VPS13C: variants seen among roughly 807,000 people sequenced by gnomAD.
The protein encoded by VPS13C is vacuolar protein sorting 13 homolog C.
Under a neutral mutation model 456.8 loss-of-function variants are expected in VPS13C, and 358 were observed. The ratio of observed to expected loss-of-function variants is 0.78; its 90% CI spans 0.72 to 0.86. VPS13C has a LOEUF of 0.86. VPS13C is among the 40% of genes least tolerant of loss of function. The pLI, the probability that VPS13C is intolerant of heterozygous loss-of-function variation, is 0.00. For synonymous variants in VPS13C, 1,578 were observed against 1,486.7 expected, an observed-to-expected ratio of 1.06 and a Z score of -1.41; for missense variants, 4,818 against 4,385.4, an observed-to-expected ratio of 1.10 and a Z score of -2.79.
rs745887696 is a variant in VPS13C, at chr15:61,925,466, A to T, written c.6599T>A (p.Phe2200Tyr). 2 of 1,561,932 alleles carry T rather than the reference A, an allele frequency of 1.3e-6. No individual in the cohort carries two copies. Among genetic ancestry groups the T allele is most frequent in the Non-Finnish European group, 1.7e-6 (2 of 1,149,252 alleles). ...KQNINIMVKE[F>Y]IIKISPIILN... ...ATGGTAAGTACTAACCTTAATTATA[A>T]ATTCTTTAACCATAATATTTATATT... The change falls in exon 53 of 85, where the codon TTT becomes TAT. Residue 2200 changes from phenylalanine to tyrosine, a missense_variant. Phe to Tyr is a conservative substitution (Grantham distance 22). This residue lies in a region of VPS13C where 4,552 missense variants were observed against 4,130.6 expected (regional missense o/e 1.10). Coordinates refer to ENST00000644861, the MANE Select transcript of VPS13C (RefSeq NM_020821.3).
Position 61,929,652 on chromosome 15 carries a change from A to T in VPS13C, c.6135T>A (p.Leu2045=), listed in dbSNP as rs761970423. 6.2e-7 allele frequency: 1 copy of T among 1,614,140 alleles called. No individual in the cohort carries two copies. Among genetic ancestry groups the T allele is most frequent in the Non-Finnish European group, 8.5e-7 (1 of 1,179,990 alleles). ...CACTGGCACATACATACAGCTTGTC[A>T]AGAACAGCATCAATTTGACTTCCAT... is the stretch of plus-strand genomic sequence containing the variant. The part of the protein sequence containing the change: ...DKNGSQIDAV[L]DKLYVCASVE... Residue 2045 remains leucine, a synonymous_variant, in exon 51 of 85, where the codon CTT becomes CTA. Transcript: ENST00000644861.
chr15:61,958,238 T>C lies in VPS13C; in HGVS notation c.4165+370A>G, dbSNP rs575072826. Among the ~76,000 whole-genome samples the C allele has an allele frequency of 9.7e-4, 147 of 152,170 alleles. 1 individual carries two copies. Among genetic ancestry groups the C allele is most frequent in the African/African-American group, 3.5e-3 (144 of 41,562 alleles). On this transcript the variant is annotated intron_variant, in intron 37 of 84. Transcript: ENST00000644861. The stretch of plus-strand genomic sequence containing the variant: ...ATTTCAATTCTTACAGATGTTTTAC[T>C]ACCAAGCCTTATTGAAAAATCAGAT...
At chr15:61,864,347 C>T in intron 81 of VPS13C, 1 of 892,426 alleles carries the variant, frequency 1.1e-6, no homozygotes, top group African/African-American at 1.8e-5. Flanking sequence ...TTTCAGCTAT[C>T]TCAAAAGTAC....
chr15:61,895,829 A>T (rs553817033), intron 66 of VPS13C, among the ~76,000 whole-genome samples: 2 of 152,264 alleles, frequency 1.3e-5, no homozygotes, highest in East Asian at 1.9e-4. Flanking sequence ...GCGGATAGGG[A>T]AAGATTTCTT....
Position 61,867,271 on chromosome 15 carries a change from A to C in VPS13C, c.10863+1388T>G. ...AAAAGCAGAAATGCTAAAGGCTGAA[A>C]ATGTATATAACATAATTATAAAATG... On this transcript the variant is annotated intron_variant, in intron 81 of 84. Transcript: ENST00000644861. This position sits in a 1 kb window ranked among gnomAD's most constrained non-coding sequence, Gnocchi z 5.0. The C allele has an allele frequency of 1.0e-6, 1 of 984,466 alleles. No homozygotes were observed. The highest frequency in any genetic ancestry group is 1.1e-4 in the East Asian group (1 of 8,810). 61.0% of individuals were successfully genotyped at this position (984,466 alleles called of 1,614,324 possible).
At chr15:62,003,743 T>C (rs2046723377) in intron 15 of VPS13C, among the ~76,000 whole-genome samples, 1 of 152,010 alleles carries the variant, frequency 6.6e-6, no homozygotes, top group African/African-American at 2.4e-5. Context: ...CTGTTGAATT[T>C]TGTCAAAGGC....
chr15:61,947,133 C>A, intron 43 of VPS13C, 60 bp downstream of exon 43: 1 of 1,120,882 alleles, frequency 8.9e-7, no homozygotes, highest in Non-Finnish European at 1.3e-6. Flanking sequence ...CAGGTACAAG[C>A]TCATTTTTCC....
chr15:61,917,374 A>T lies in VPS13C; in HGVS notation c.8022T>A (p.Asn2674Lys), dbSNP rs1162810421. 3 of 1,613,798 alleles carry T rather than the reference A, an allele frequency of 1.9e-6. No homozygotes were observed. The highest frequency in any genetic ancestry group is 2.5e-6 in the Non-Finnish European group (3 of 1,179,836). ...IHLYPSLTLR[N>K]LLPYSLRYLL... is the part of the protein sequence containing the mutation. ...AATATCTTAGGGAATATGGGAGAAG[A>T]TTCCGCAAAGTGAGAGAAGGATAAA... Residue 2674 changes from asparagine (N) to lysine (K), a missense_variant, in exon 60 of 85, where the codon AAT becomes AAA. By Grantham distance (94) the Asn-to-Lys change is moderately conservative. Around this residue, in one of 3 missense-constraint regions of VPS13C, gnomAD observed 4,552 missense variants for 4,130.6 expected, o/e 1.10. Coordinates refer to ENST00000644861, the MANE Select transcript of VPS13C (RefSeq NM_020821.3).
At chr15:62,051,298 C>T (rs2048609714) in intron 1 of VPS13C, among the ~76,000 whole-genome samples, 1 of 152,178 alleles carries the variant, frequency 6.6e-6, no homozygotes, top group Admixed American at 6.5e-5. Context: ...GTGGAACCAA[C>T]TACAATAAGG....
intron 16 of VPS13C, among the ~76,000 whole-genome samples, chr15:61,996,868 TACACACAC>T (rs35800911): frequency 5.6e-5 from 8 of 143,844 alleles, no homozygotes; most frequent in South Asian, 2.2e-4. Flanking sequence ...AAGGTCTAAA[TACACACAC>T]ACACACACAC....
In VPS13C at chr15:61,882,604, A is replaced by T. The variant is rs986277264; in HGVS notation, c.9616T>A (p.Trp3206Arg). ...GAGAATGACAATGTTACCTGAAGCC[A>T]GTACAACCTGGCCCTTAAACTTCTC... ...HQRSLRARLY[W>R]LQVDNQLPGA... Residue 3206 changes from tryptophan (W) to arginine (R), a missense_variant, in exon 69 of 85, where the codon TGG becomes AGG. Coordinates refer to ENST00000644861, the MANE Select transcript of VPS13C (RefSeq NM_020821.3). The T allele has an allele frequency of 1.9e-6, 3 of 1,542,610 alleles. No individual in the cohort carries two copies. The highest frequency in any genetic ancestry group is 1.7e-6 in the Non-Finnish European group (2 of 1,149,474).
chr15:61,927,005 T>C (rs2140206551), intron 52 of VPS13C, 86 bp downstream of exon 52: 3 of 1,190,392 alleles, frequency 2.5e-6, no homozygotes, highest in Non-Finnish European at 3.6e-6. Context: ...CTAAAGTCCC[T>C]GCAGAGCTCT....
intron 1 of VPS13C, among the ~76,000 whole-genome samples, chr15:62,052,912 G>T (rs1285288147): frequency 6.6e-6 from 1 of 152,064 alleles, no homozygotes; most frequent in African/African-American, 2.4e-5. Flanking sequence ...CATCACCACT[G>T]AACTTTCTCC....
At position 61,952,073 on chromosome 15, in the gene VPS13C, GAAGAA is replaced by G. The variant is rs2044818379; in HGVS notation, c.4300-98_4300-94del. The G allele has an allele frequency of 5.0e-6, 7 of 1,409,782 alleles. No homozygotes were observed. In the South Asian group the frequency reaches 8.5e-5, roughly 17 times the overall value. The allele number at this position is 1,409,782 out of a possible 1,614,324, so 87.3% of individuals were successfully genotyped here. On this transcript the variant is annotated intron_variant, in intron 38 of 84. Transcript: ENST00000644861. ...TAATAAGTATCCAGAGTGATATAAG[GAAGAA>G]ATTCACACAATGTTAAGATGTGTAC...
At chr15:61,898,546 G>C (rs1276156392) in intron 66 of VPS13C, among the ~76,000 whole-genome samples, 2 of 152,148 alleles carry the variant, frequency 1.3e-5, no homozygotes, top group South Asian at 4.2e-4. Flanking sequence ...TCAACAAGAA[G>C]AGCTAACTTT....
chr15:62,049,197 G>C (rs1567149879), intron 1 of VPS13C, among the ~76,000 whole-genome samples: 1 of 152,162 alleles, frequency 6.6e-6, no homozygotes, highest in Non-Finnish European at 1.5e-5. Context: ...GTCCTGAATG[G>C]TATTGCCTAG....
At chr15:62,059,007 C>T (rs1245475698) in intron 1 of VPS13C, among the ~76,000 whole-genome samples, 1 of 150,922 alleles carries the variant, frequency 6.6e-6, no homozygotes, top group African/African-American at 2.4e-5. Context: ...AATATATGTT[C>T]CATATACGTA....
chr15:62,048,609 G>A (rs1156842425), intron 1 of VPS13C, among the ~76,000 whole-genome samples: 1 of 152,076 alleles, frequency 6.6e-6, no homozygotes, highest in African/African-American at 2.4e-5. Context: ...AATCCTTTGG[G>A]TATATACCCA....
Position 61,982,525 on chromosome 15 carries a change from C to A in VPS13C, c.1963G>T (p.Asp655Tyr), listed in dbSNP as rs2045918935. The stretch of plus-strand genomic sequence containing the variant: ...GTTGCTGATGTTATTTGCTCAAGAT[C>A]CAATCCCTTATTTGATTGAAAGAAT... ...VEFFQSNKGLDLEQITSATLM... is the reference protein window; with the variant it reads ...VEFFQSNKGLYLEQITSATLM... The change falls in exon 21 of 85, where the codon GAT (aspartate) becomes TAT (tyrosine). Residue 655 changes from aspartate to tyrosine, a missense_variant. Transcript: ENST00000644861. 6.2e-7 allele frequency: 1 copy of A among 1,610,262 alleles called. No individual in the cohort carries two copies. Among genetic ancestry groups the A allele is most frequent in the East Asian group, 2.2e-5 (1 of 44,778 alleles).
Sources: allele counts gnomAD v4.1 joint callset (sites outside exome capture counted in the v4.1 genomes callset), GRCh38; gene constraint gnomAD v4.1.1; regional missense constraint gnomAD v4.1.1; non-coding constraint Gnocchi (gnomAD v3.1); transcripts MANE v1.5; gene names NCBI Gene and HGNC (gene_info 2026-07-23, HGNC 2026-07-21).